Variants in COL4A1 observed in about 807,000 individuals in gnomAD.
The protein encoded by COL4A1 is collagen type IV alpha 1 chain.
In COL4A1, 40 loss-of-function variants were observed where a neutral mutation model predicts 216.6. The ratio of observed to expected loss-of-function variants is 0.18; its 90% CI spans 0.14 to 0.24. The LOEUF (loss-of-function observed/expected upper bound fraction) is 0.24. Among genes scored for constraint, COL4A1 ranks in the 10% least tolerant of loss-of-function variants. COL4A1 has a pLI of 1.00. For missense variants in COL4A1, 1,628 were observed against 2,196.8 expected (o/e 0.74, Z 5.18); for synonymous variants, 839 against 810.7 (o/e 1.03, Z -0.59).
intron 1 of COL4A1, among the ~76,000 whole-genome samples, chr13:110,251,367 G>A (rs554188359): frequency 6.6e-6 from 1 of 152,382 alleles, no homozygotes; most frequent in East Asian, 1.9e-4. Flanking sequence ...GGGTGGGGCA[G>A]GGGAAGCACC....
At position 110,242,370 on chromosome 13, in the gene COL4A1, A is replaced by G. The variant is rs532971419; in HGVS notation, c.144+305T>C. 2.0e-5 allele frequency among the ~76,000 whole-genome samples: 3 copies of G among 152,362 alleles called. No homozygotes were observed. The South Asian group carries it at 6.2e-4, about 32-fold the overall frequency. On this transcript the variant is annotated intron_variant, in intron 2 of 51. Coordinates refer to ENST00000375820, the MANE Select transcript of COL4A1 (RefSeq NM_001845.6). ...TGTTAAAATTAGTTCTTATACATCA[A>G]TTCGAAAAAGTACGATAGATTCAAC...
At chr13:110,181,571 G>A (rs1221293663) in intron 28 of COL4A1, among the ~76,000 whole-genome samples, 182 bp from the exon 29 acceptor site, 1 of 152,190 alleles carries the variant, frequency 6.6e-6, no homozygotes, top group Non-Finnish European at 1.5e-5. Context: ...GAGGGGTCAG[G>A]TGCGTTGCTG....
intron 42 of COL4A1, among the ~76,000 whole-genome samples, chr13:110,169,980 AC>A (rs1728352699): frequency 7.3e-6 from 1 of 137,828 alleles, no homozygotes; most frequent in South Asian, 2.6e-4. Flanking sequence ...AAAACACTGG[AC>A]CGACAATGTG....
chr13:110,268,262 C>T lies in COL4A1; in HGVS notation c.85-25528G>A, dbSNP rs575509306. Among the ~76,000 whole-genome samples, 7 of 152,248 alleles carry T rather than the reference C, an allele frequency of 4.6e-5. No homozygotes were observed. In the South Asian group the frequency reaches 1.4e-3, roughly 32 times the overall value. ...AAAACCAGGAAAGGCATATGGATGA[C>T]GAATGGCTCTGCACACTCCTGTGAT... is the stretch of plus-strand genomic sequence containing the variant. On this transcript the variant is annotated intron_variant, in intron 1 of 51. Coordinates refer to ENST00000375820, the MANE Select transcript of COL4A1 (RefSeq NM_001845.6). This position sits in a 1 kb window ranked among gnomAD's most constrained non-coding sequence, Gnocchi z 4.1.
At chr13:110,258,482 G>A (rs1882675447) in intron 1 of COL4A1, among the ~76,000 whole-genome samples, 1 of 152,162 alleles carries the variant, frequency 6.6e-6, no homozygotes, top group Admixed American at 6.5e-5. Context: ...AGAGGTTGCA[G>A]TGAGCCAAGA....
At chr13:110,238,797 A>G (rs1281961377) in intron 2 of COL4A1, among the ~76,000 whole-genome samples, 2 of 152,262 alleles carry the variant, frequency 1.3e-5, no homozygotes, top group Non-Finnish European at 2.9e-5. Context: ...TTAGCAAAAC[A>G]TAAATGGTTA....
intron 26 of COL4A1, among the ~76,000 whole-genome samples, chr13:110,185,751 AGAG>A (rs1228029891): frequency 3.9e-5 from 6 of 152,144 alleles, no homozygotes; most frequent in Non-Finnish European, 8.8e-5. Context: ...AAGTCGTGGG[AGAG>A]GAGAACGACG....
At chr13:110,231,640 C>T (rs1168951116) in intron 2 of COL4A1, among the ~76,000 whole-genome samples, 2 of 152,262 alleles carry the variant, frequency 1.3e-5, no homozygotes, top group African/African-American at 4.8e-5. Context: ...CCAGGACTGC[C>T]GCTGGCCACT....
chr13:110,305,949 T>C (rs543085493), intron 1 of COL4A1: 12 of 152,284 alleles, frequency 7.9e-5, no homozygotes, highest in Admixed American at 2.0e-4. Flanking sequence ...ATCTGGTAAG[T>C]AGCAAAAATC....
intron 10 of COL4A1, 196 bp downstream of exon 10, chr13:110,209,784 C>T (rs756707459): frequency 1.3e-5 from 10 of 787,900 alleles, no homozygotes; most frequent in East Asian, 1.2e-4. Context: ...TATCATCATC[C>T]CTTTCCCACA....
chr13:110,186,164 C>G (rs1190248084), intron 26 of COL4A1, among the ~76,000 whole-genome samples: 3 of 152,200 alleles, frequency 2.0e-5, no homozygotes, highest in African/African-American at 7.2e-5. Flanking sequence ...ACTGTAAACC[C>G]AAGTTCTCCA....
At chr13:110,224,173 CT>C (rs201201561) in intron 2 of COL4A1, among the ~76,000 whole-genome samples, 5 of 151,498 alleles carry the variant, frequency 3.3e-5, no homozygotes, top group East Asian at 3.9e-4. Flanking sequence ...GCACAACCGT[CT>C]TTTTTTTTGA....
At chr13:110,176,751 T>A in intron 34 of COL4A1, 27 bp from the exon 35 acceptor site, 6 of 1,612,836 alleles carry the variant, frequency 3.7e-6, no homozygotes, top group Non-Finnish European at 5.1e-6. Context: ...AAAATAGCAA[T>A]GACCCGCATT....
chr13:110,219,692 A>ATATATGTATATATATGTATATATG (rs1555307886), intron 2 of COL4A1, among the ~76,000 whole-genome samples: 21 of 93,984 alleles, frequency 2.2e-4, no homozygotes, highest in African/African-American at 6.9e-4. Flanking sequence ...ATATATATGT[A>ATATATGTATATATATGTATATATG]TATATATGTA....
intron 1 of COL4A1, among the ~76,000 whole-genome samples, chr13:110,261,807 G>A (rs983553858): frequency 4.6e-5 from 7 of 152,206 alleles, no homozygotes; most frequent in South Asian, 2.1e-4. Flanking sequence ...CTGCCACCCC[G>A]GGCCTGGTGC....
intron 25 of COL4A1, among the ~76,000 whole-genome samples, chr13:110,186,837 T>G (rs1195282511): frequency 2.0e-5 from 3 of 152,224 alleles, no homozygotes; most frequent in Non-Finnish European, 4.4e-5. Flanking sequence ...ACATGAATAC[T>G]ATTAACTTTA....
At position 110,253,370 on chromosome 13, in the gene COL4A1, CATAT is replaced by C. The variant is rs1882308283; in HGVS notation, c.85-10640_85-10637del. On this transcript the variant is annotated intron_variant, in intron 1 of 51. Coordinates refer to ENST00000375820, the MANE Select transcript of COL4A1 (RefSeq NM_001845.6). ...CATATAATTATATGTATTACATATA[CATAT>C]AATTATATGTATTACATATACATAT... 3.1e-4 allele frequency among the ~76,000 whole-genome samples: 3 copies of C among 9,686 alleles called. 1 individual carries two copies. Among genetic ancestry groups the C allele is most frequent in the African/African-American group, 8.7e-4 (3 of 3,434 alleles). The allele number at this position is 9,686 out of a possible 152,430, so 6.4% of individuals were successfully genotyped here. A position where few individuals can be genotyped will look rare whatever the true frequency, so the allele number is the denominator to read the frequency against.
intron 2 of COL4A1, among the ~76,000 whole-genome samples, chr13:110,227,723 C>A (rs1449381799): frequency 2.6e-5 from 4 of 152,210 alleles, no homozygotes; most frequent in Non-Finnish European, 5.9e-5. Context: ...TACAGGTGCC[C>A]ACCCTTGGTT....
chr13:110,236,741 G>A (rs1367052134), intron 2 of COL4A1, among the ~76,000 whole-genome samples: 3 of 152,230 alleles, frequency 2.0e-5, no homozygotes, highest in African/African-American at 7.2e-5. Context: ...CAGTGCTCAC[G>A]CTGGGGGTGT....
Sources: allele counts gnomAD v4.1 joint callset (sites outside exome capture counted in the v4.1 genomes callset), GRCh38; gene constraint gnomAD v4.1.1; non-coding constraint Gnocchi (gnomAD v3.1); transcripts MANE v1.5; gene names NCBI Gene and HGNC (gene_info 2026-07-23, HGNC 2026-07-21).